SCFD2: variants seen among roughly 807,000 people sequenced by gnomAD.
SCFD2 encodes sec1 family domain containing 2.
In SCFD2, 54 loss-of-function variants were observed where a neutral mutation model predicts 58.9. The observed-to-expected ratio is 0.92, with a 90% confidence interval of 0.74 to 1.15. The LOEUF (loss-of-function observed/expected upper bound fraction) is 1.15, where lower values mean the gene tolerates loss of function less well. Among genes scored for constraint, SCFD2 ranks in the 50% most tolerant of loss-of-function variants. SCFD2 has a pLI of 0.00. For missense variants in SCFD2, 805 were observed against 836.6 expected, an observed-to-expected ratio of 0.96 and a Z score of 0.47; for synonymous variants, 321 against 335.9, an observed-to-expected ratio of 0.96 and a Z score of 0.49.
At chr4:53,095,282 A>G (rs914467359) in intron 5 of SCFD2, among the ~76,000 whole-genome samples, 1 of 152,128 alleles carries the variant, frequency 6.6e-6, no homozygotes, top group Non-Finnish European at 1.5e-5. Flanking sequence ...CGGCTCACAC[A>G]TAGCCTCCCC....
chr4:53,356,831 G>A (rs892992675), intron 1 of SCFD2, among the ~76,000 whole-genome samples: 14 of 148,646 alleles, frequency 9.4e-5, no homozygotes, highest in East Asian at 4.0e-4. Context: ...CCACCTCCTC[G>A]GTTCACGCCA....
intron 4 of SCFD2, among the ~76,000 whole-genome samples, chr4:53,184,138 TTG>T (rs1373648191): frequency 6.6e-6 from 1 of 152,170 alleles, no homozygotes; most frequent in African/African-American, 2.4e-5. Flanking sequence ...GTATTGGAGA[TTG>T]TTTCTTGTGC....
chr4:53,010,352 C>A (rs187624510), intron 5 of SCFD2, among the ~76,000 whole-genome samples: 1 of 152,124 alleles, frequency 6.6e-6, no homozygotes, highest in Non-Finnish European at 1.5e-5. Flanking sequence ...CTTCAAGATA[C>A]GACAAAAATT....
chr4:53,073,257 A>G (rs922069077), intron 5 of SCFD2, among the ~76,000 whole-genome samples: 1 of 152,086 alleles, frequency 6.6e-6, no homozygotes, highest in Non-Finnish European at 1.5e-5. Context: ...TGCTAACACT[A>G]TGCCATTTTA....
At chr4:53,294,273 G>A (rs578141202) in intron 3 of SCFD2, among the ~76,000 whole-genome samples, 3 of 152,220 alleles carry the variant, frequency 2.0e-5, no homozygotes, top group East Asian at 3.9e-4. Flanking sequence ...GTGTAAAAAC[G>A]TTCCTATTTA....
intron 4 of SCFD2, among the ~76,000 whole-genome samples, chr4:53,272,855 T>TA (rs1047295201): frequency 6.0e-5 from 9 of 150,712 alleles, no homozygotes; most frequent in Admixed American, 2.0e-4. Context: ...AAAGTATAAT[T>TA]AAAAAAAAAT....
chr4:53,144,495 C>T (rs905688738), intron 5 of SCFD2, among the ~76,000 whole-genome samples: 2 of 141,344 alleles, frequency 1.4e-5, no homozygotes, highest in Non-Finnish European at 3.1e-5. Flanking sequence ...TATATATATA[C>T]ACACACAGGT....
chr4:52,996,537 T>C (rs1721744883), intron 5 of SCFD2, among the ~76,000 whole-genome samples: 1 of 152,238 alleles, frequency 6.6e-6, no homozygotes, highest in African/African-American at 2.4e-5. Flanking sequence ...GAGAGAACAT[T>C]CCCTCCCTTC....
At position 53,227,395 on chromosome 4, in the gene SCFD2, C is replaced by T. The variant is rs187824596; in HGVS notation, c.1311+46431G>A. Among the ~76,000 whole-genome samples the T allele has an allele frequency of 2.6e-5, 4 of 152,238 alleles. No individual in the cohort carries two copies. In the East Asian group the frequency reaches 7.7e-4, roughly 29 times the overall value. ...CCAATGTTCACAAAGAAATTTAGAT[C>T]TTAAATAAACCCATATAAGCCATCT... On this transcript the variant is annotated intron_variant, in intron 4 of 8. Transcript: ENST00000401642.
chr4:53,340,986 A>T (rs575588194), intron 2 of SCFD2, among the ~76,000 whole-genome samples: 62 of 152,304 alleles, frequency 4.1e-4, no homozygotes, highest in African/African-American at 1.4e-3. Context: ...GACCAAAGGT[A>T]GATAAAACCA....
At chr4:53,175,415 G>A (rs1472337985) in intron 4 of SCFD2, among the ~76,000 whole-genome samples, 6 of 152,030 alleles carry the variant, frequency 3.9e-5, no homozygotes, top group Non-Finnish European at 8.8e-5. Context: ...TACATGGAAC[G>A]AGGCTAAAAA....
intron 6 of SCFD2, among the ~76,000 whole-genome samples, chr4:52,914,673 C>G (rs1719562292): frequency 6.6e-6 from 1 of 151,494 alleles, no homozygotes; most frequent in African/African-American, 2.4e-5. Flanking sequence ...TTTTGAGGGC[C>G]CATGAAAATA....
At chr4:53,000,226 C>T (rs767051504) in intron 5 of SCFD2, among the ~76,000 whole-genome samples, 1 of 152,176 alleles carries the variant, frequency 6.6e-6, no homozygotes, top group Admixed American at 6.5e-5. Context: ...AGAAAAGCCT[C>T]GTACCTGGAA....
At chr4:52,894,357 T>G (rs1718949642) in intron 7 of SCFD2, among the ~76,000 whole-genome samples, 1 of 152,216 alleles carries the variant, frequency 6.6e-6, no homozygotes, top group Non-Finnish European at 1.5e-5. Flanking sequence ...AATCATGTCC[T>G]TTAGTCAAAA....
chr4:53,196,536 C>T (rs1021190222), intron 4 of SCFD2, among the ~76,000 whole-genome samples: 23 of 152,130 alleles, frequency 1.5e-4, no homozygotes, highest in African/African-American at 4.8e-4. Flanking sequence ...AAAGACCATT[C>T]GCGAGAGACT....
chr4:53,310,878 C>T (rs1409903174), intron 3 of SCFD2, among the ~76,000 whole-genome samples: 1 of 152,120 alleles, frequency 6.6e-6, no homozygotes, highest in Non-Finnish European at 1.5e-5. Context: ...AATCGTGAGT[C>T]TATAATTAAA....
chr4:53,204,009 G>A (rs1368117305), intron 4 of SCFD2, among the ~76,000 whole-genome samples: 5 of 152,122 alleles, frequency 3.3e-5, no homozygotes. Flanking sequence ...TCTCCCAGAA[G>A]ATGCATCCAG....
chr4:52,926,027 G>A (rs964910690), intron 5 of SCFD2, among the ~76,000 whole-genome samples: 5 of 152,080 alleles, frequency 3.3e-5, no homozygotes, highest in Admixed American at 3.3e-4. Flanking sequence ...AGCAGAGTGA[G>A]AGGAATGGTT....
intron 5 of SCFD2, among the ~76,000 whole-genome samples, chr4:52,960,051 T>C (rs1463344981): frequency 6.6e-6 from 1 of 152,224 alleles, no homozygotes; most frequent in East Asian, 1.9e-4. Flanking sequence ...CTTAATTTTT[T>C]CTCTGAATTT....
Sources: gnomAD v4.1 joint callset for allele counts (sites outside exome capture counted in the v4.1 genomes callset) on GRCh38, gnomAD v4.1.1 for gene constraint, MANE v1.5 for transcripts, NCBI Gene and HGNC (gene_info 2026-07-23, HGNC 2026-07-21) for gene names.